Variants in MGRN1 observed in about 807,000 individuals in gnomAD.
MGRN1 encodes the protein E3 ubiquitin-protein ligase MGRN1.
MGRN1 carries 29 observed loss-of-function variants against 69.2 expected under a neutral mutation model. The ratio of observed to expected loss-of-function variants is 0.42; its 90% CI spans 0.31 to 0.57. The LOEUF (loss-of-function observed/expected upper bound fraction) is 0.57, where lower values mean the gene tolerates loss of function less well. Ranked by LOEUF, MGRN1 falls within the 20% of genes least tolerant of loss-of-function variation. The pLI is 0.15. For missense variants in MGRN1, 998 were observed against 796.2 expected, an observed-to-expected ratio of 1.25 and a Z score of -3.05; for synonymous variants, 470 against 344.2, an observed-to-expected ratio of 1.37 and a Z score of -4.04.
intron 5 of MGRN1, among the ~76,000 whole-genome samples, chr16:4,662,416 TGAGGCAG>T (rs1232327374): frequency 1.3e-5 from 2 of 151,554 alleles, no homozygotes; most frequent in African/African-American, 4.9e-5. Context: ...CTTGGGAGGC[TGAGGCAG>T]GAGAATTGCT....
At chr16:4,637,537 C>T (rs546901774) in intron 1 of MGRN1, among the ~76,000 whole-genome samples, 2 of 152,328 alleles carry the variant, frequency 1.3e-5, no homozygotes, top group East Asian at 3.9e-4. Flanking sequence ...AATTGGCCGC[C>T]TTAGTGCCGT....
At chr16:4,686,236 T>G in intron 16 of MGRN1, 2 of 1,541,068 alleles carry the variant, frequency 1.3e-6, no homozygotes, top group African/African-American at 1.4e-5. Flanking sequence ...AGCTTCCGTC[T>G]GTCTCTCCCC....
At chr16:4,650,317 CAA>C (rs373572089) in intron 1 of MGRN1, 46 bp from the exon 2 acceptor site, 42,782 of 1,160,740 alleles carry the variant, frequency 0.037, 18 homozygotes, top group Admixed American at 0.06. Flanking sequence ...GACTCTGTCT[CAA>C]AAAAAAAAAA....
At chr16:4,663,743 T>C (rs1052426255) in intron 5 of MGRN1, among the ~76,000 whole-genome samples, 2 of 152,096 alleles carry the variant, frequency 1.3e-5, no homozygotes, top group African/African-American at 4.8e-5. Context: ...GGACGTGGCC[T>C]GTAGAGAGTA....
chr16:4,686,186 C>G, intron 16 of MGRN1: 1 of 1,518,414 alleles, frequency 6.6e-7, no homozygotes, highest in Non-Finnish European at 8.8e-7. Flanking sequence ...AGCTGGTGCC[C>G]TTGCTGTGGC....
In MGRN1 at chr16:4,657,254, C is replaced by G; in HGVS notation, c.452C>G (p.Pro151Arg). ...CTCCTGGCTCCCTGCAGATACAGCC[C>G]CAAGAGCCCCTCGCTACAGTCCGAG... is the stretch of plus-strand genomic sequence containing the variant. ...EFLNGRAVYS[P>R]KSPSLQSETV... The change falls in exon 5 of 17, where the codon CCC (proline) becomes CGC (arginine). Residue 151 changes from proline (P) to arginine (R), a missense_variant. Transcript: ENST00000262370. 6.2e-7 allele frequency: 1 copy of G among 1,613,946 alleles called. No individual in the cohort carries two copies. Among genetic ancestry groups the G allele is most frequent in the Non-Finnish European group, 8.5e-7 (1 of 1,179,844 alleles).
intron 16 of MGRN1, 33 bp from the exon 17 acceptor site, chr16:4,688,763 G>A: frequency 1.3e-6 from 2 of 1,520,730 alleles, no homozygotes; most frequent in East Asian, 2.5e-5. Context: ...AGGCATCCGA[G>A]TGTGACCCTC....
At chr16:4,627,471 AT>A (rs2141812354) in intron 1 of MGRN1, among the ~76,000 whole-genome samples, 1 of 152,356 alleles carries the variant, frequency 6.6e-6, no homozygotes, top group South Asian at 2.1e-4. Context: ...TGATTTGATG[AT>A]TTTTAGTTAA....
At chr16:4,668,558 CCTA>C (rs201203001) in intron 8 of MGRN1, among the ~76,000 whole-genome samples, 4,324 of 151,802 alleles carry the variant, frequency 0.028, 73 homozygotes, top group Non-Finnish European at 0.038. Context: ...TAAACACACT[CCTA>C]CTCGCACACA....
chr16:4,635,574 ATCC>A (rs1389982167), intron 1 of MGRN1, among the ~76,000 whole-genome samples: 2 of 151,682 alleles, frequency 1.3e-5, no homozygotes, highest in East Asian at 1.9e-4. Context: ...GGTTCGAGCA[ATCC>A]TCCTTCAGCC....
At chr16:4,626,594 A>G (rs1684609) in intron 1 of MGRN1, among the ~76,000 whole-genome samples, 140,037 of 152,246 alleles carry the variant, frequency 0.92, 65,529 homozygotes, top group East Asian at 1. Flanking sequence ...GCTAATGACC[A>G]TAATCATAGT....
intron 4 of MGRN1, among the ~76,000 whole-genome samples, chr16:4,654,150 C>G (rs2078474953): frequency 6.6e-6 from 1 of 152,130 alleles, no homozygotes; most frequent in Non-Finnish European, 1.5e-5. Flanking sequence ...CCAGCCACCT[C>G]CAGGAGCCAA....
chr16:4,674,016 G>A (rs946206344), intron 10 of MGRN1, among the ~76,000 whole-genome samples: 3 of 152,158 alleles, frequency 2.0e-5, no homozygotes, highest in African/African-American at 4.8e-5. Flanking sequence ...AGACAGTTTC[G>A]TGCTGTCGCC....
chr16:4,655,292 A>G (rs904963321), intron 4 of MGRN1, among the ~76,000 whole-genome samples: 2 of 152,158 alleles, frequency 1.3e-5, no homozygotes, highest in African/African-American at 4.8e-5. Flanking sequence ...GCACTTGAAG[A>G]GAGGGTCCCG....
At chr16:4,629,048 G>C (rs1338574832) in intron 1 of MGRN1, among the ~76,000 whole-genome samples, 1 of 151,254 alleles carries the variant, frequency 6.6e-6, no homozygotes, top group Non-Finnish European at 1.5e-5. Context: ...TGTTGGGAAG[G>C]CTGGTTTCGA....
At chr16:4,628,557 T>C (rs1459962252) in intron 1 of MGRN1, among the ~76,000 whole-genome samples, 1 of 152,134 alleles carries the variant, frequency 6.6e-6, no homozygotes, top group Admixed American at 6.6e-5. Flanking sequence ...GCTTTCTTTT[T>C]TCTTTGAGAT....
chr16:4,686,117 G>T (rs1179419755), intron 16 of MGRN1: 2 of 1,006,806 alleles, frequency 2.0e-6, no homozygotes, highest in African/African-American at 3.3e-5. Flanking sequence ...GGTTCTCCTT[G>T]TGGTTCTCTG....
chr16:4,627,789 C>CA (rs1041554223), intron 1 of MGRN1, among the ~76,000 whole-genome samples: 41 of 142,416 alleles, frequency 2.9e-4, no homozygotes, highest in South Asian at 1.1e-3. Context: ...GACTCCGTCT[C>CA]AAAAAAAAAG....
intron 1 of MGRN1, among the ~76,000 whole-genome samples, chr16:4,637,118 CAAAAA>C (rs36033548): frequency 2.5e-4 from 12 of 48,488 alleles, no homozygotes; most frequent in Admixed American, 4.7e-4. Context: ...GACTCCATCT[CAAAAA>C]AAAAAAAAAA....
Sources: gnomAD v4.1 joint callset for allele counts (sites outside exome capture counted in the v4.1 genomes callset) on GRCh38, gnomAD v4.1.1 for gene constraint, MANE v1.5 for transcripts, NCBI Gene and HGNC (gene_info 2026-07-23, HGNC 2026-07-21) for gene names.